INPP4B: variants seen among roughly 807,000 people sequenced by gnomAD.
INPP4B encodes the protein inositol polyphosphate-4-phosphatase type II B.
A neutral mutation model predicts 122.5 loss-of-function variants in INPP4B; 55 were observed. The observed-to-expected ratio is 0.45, with a 90% CI of 0.36 to 0.56. The LOEUF (loss-of-function observed/expected upper bound fraction) is 0.56. Among genes scored for constraint, INPP4B ranks in the 20% least tolerant of loss-of-function variants. The pLI, the probability that INPP4B is intolerant of heterozygous loss-of-function variation, is 0.00. For missense variants in INPP4B, 1,000 were observed against 1,097.7 expected (o/e 0.91, Z 1.26); for synonymous variants, 403 against 388.7 (o/e 1.04, Z -0.43).
intron 15 of INPP4B, among the ~76,000 whole-genome samples, chr4:142,174,525 T>C (rs1250038406): frequency 1.3e-5 from 2 of 152,148 alleles, no homozygotes; most frequent in African/African-American, 2.4e-5. Flanking sequence ...AGTAGCAGAA[T>C]GCTATTTCAT....
In INPP4B at chr4:142,307,432, T is replaced by C. The variant is rs1373005267; in HGVS notation, c.424-1895A>G. 2.0e-5 allele frequency among the ~76,000 whole-genome samples: 3 copies of C among 152,336 alleles called. No homozygotes were observed. The East Asian group carries it at 5.8e-4, about 29-fold the overall frequency. ...ATTGAAGCTCTACAAAGAGCTTTCT[T>C]TTGTTTGCTGATAACCCCCCACTGC... On this transcript the variant is annotated intron_variant, in intron 8 of 25. Coordinates refer to ENST00000262992, the MANE Select transcript of INPP4B (RefSeq NM_001101669.3).
rs549852004 is a variant in INPP4B, at chr4:142,118,118, A to C, written c.2135+4010T>G. On this transcript the variant is annotated intron_variant, in intron 21 of 25. Coordinates refer to ENST00000262992, the MANE Select transcript of INPP4B (RefSeq NM_001101669.3). ...GAAGGACCTCTGCAAGGAGAACTACAAACCACTGCTCAACGAAATAAAAGA... is the reference window on the plus strand; with the variant it reads ...GAAGGACCTCTGCAAGGAGAACTACCAACCACTGCTCAACGAAATAAAAGA... 3.9e-5 allele frequency among the ~76,000 whole-genome samples: 6 copies of C among 152,298 alleles called. No individual in the cohort carries two copies. In the East Asian group the frequency reaches 1.2e-3, roughly 29 times the overall value.
chr4:142,075,785 C>T (rs970613714), intron 25 of INPP4B, among the ~76,000 whole-genome samples: 9 of 152,070 alleles, frequency 5.9e-5, no homozygotes, highest in Admixed American at 3.9e-4. Context: ...AGCATCATCT[C>T]GCCTTCACAC....
chr4:142,647,036 T>A (rs1343273897), intron 2 of INPP4B, among the ~76,000 whole-genome samples: 1 of 152,150 alleles, frequency 6.6e-6, no homozygotes, highest in Non-Finnish European at 1.5e-5. Flanking sequence ...TGGATAAAAA[T>A]TTTTGTATAG....
chr4:142,555,240 G>A (rs1418897723), intron 2 of INPP4B, among the ~76,000 whole-genome samples: 2 of 152,166 alleles, frequency 1.3e-5, no homozygotes, highest in African/African-American at 4.8e-5. Context: ...GTAGCCACTG[G>A]GACTTCTACA....
intron 2 of INPP4B, among the ~76,000 whole-genome samples, chr4:142,713,860 C>T (rs1763417886): frequency 6.6e-6 from 1 of 152,160 alleles, no homozygotes; most frequent in Admixed American, 6.5e-5. Flanking sequence ...AAGTGTTACC[C>T]TTTCCCTGGG....
intron 7 of INPP4B, among the ~76,000 whole-genome samples, chr4:142,347,908 C>T (rs1780787079): frequency 6.6e-6 from 1 of 151,930 alleles, no homozygotes; most frequent in Non-Finnish European, 1.5e-5. Flanking sequence ...ACAATAATTT[C>T]CTGATACCCT....
At chr4:142,222,367 C>T (rs991148273) in intron 12 of INPP4B, among the ~76,000 whole-genome samples, 3 of 152,176 alleles carry the variant, frequency 2.0e-5, no homozygotes, top group African/African-American at 7.2e-5. Context: ...AATCCATCAC[C>T]AAGTTCTGTT....
intron 9 of INPP4B, among the ~76,000 whole-genome samples, chr4:142,285,065 A>G (rs1034068272): frequency 2.0e-5 from 3 of 152,076 alleles, no homozygotes; most frequent in African/African-American, 7.2e-5. Context: ...CTTCACATCA[A>G]TGACTCGGGA....
intron 2 of INPP4B, among the ~76,000 whole-genome samples, chr4:142,717,600 T>C (rs1763949312): frequency 6.6e-6 from 1 of 152,164 alleles, no homozygotes; most frequent in African/African-American, 2.4e-5. Flanking sequence ...GGGACATGGA[T>C]GAAGCTGGAA....
intron 25 of INPP4B, among the ~76,000 whole-genome samples, chr4:142,058,517 T>G (rs1758886902): frequency 6.6e-6 from 1 of 152,074 alleles, no homozygotes; most frequent in South Asian, 2.1e-4. Flanking sequence ...AAGCACACAG[T>G]AGTACAAGAG....
At chr4:142,650,889 A>C (rs971262708) in intron 2 of INPP4B, among the ~76,000 whole-genome samples, 3 of 152,116 alleles carry the variant, frequency 2.0e-5, no homozygotes, top group Non-Finnish European at 4.4e-5. Flanking sequence ...CATCTACAGA[A>C]CTCTCCAGCC....
chr4:142,189,434 G>T (rs1321793136), intron 15 of INPP4B, among the ~76,000 whole-genome samples: 2 of 152,068 alleles, frequency 1.3e-5, no homozygotes, highest in African/African-American at 4.8e-5. Flanking sequence ...TTCAAGAAAA[G>T]CACAATGTAT....
chr4:142,155,595 T>C (rs1816755273), intron 17 of INPP4B, among the ~76,000 whole-genome samples: 1 of 152,130 alleles, frequency 6.6e-6, no homozygotes, highest in African/African-American at 2.4e-5. Context: ...CATGCAGTTA[T>C]TTATATCCTA....
chr4:142,211,241 T>C (rs1013229764), intron 12 of INPP4B, among the ~76,000 whole-genome samples: 1 of 152,048 alleles, frequency 6.6e-6, no homozygotes, highest in Non-Finnish European at 1.5e-5. Context: ...ACTGCATTTT[T>C]TAAAAAGGAA....
chr4:142,379,168 A>G (rs1398308692), intron 7 of INPP4B, among the ~76,000 whole-genome samples: 2 of 152,120 alleles, frequency 1.3e-5, no homozygotes, highest in Admixed American at 6.6e-5. Context: ...TAGGCCCCAT[A>G]TCTTCCTATA....
intron 17 of INPP4B, among the ~76,000 whole-genome samples, chr4:142,149,478 C>T (rs1812598919): frequency 6.6e-6 from 1 of 152,044 alleles, no homozygotes; most frequent in Admixed American, 6.5e-5. Flanking sequence ...TTCTGTTTGG[C>T]TCCAAAGACT....
intron 7 of INPP4B, among the ~76,000 whole-genome samples, chr4:142,351,364 A>G (rs1561910868): frequency 6.6e-6 from 1 of 151,980 alleles, no homozygotes. Context: ...TTACCCTTTC[A>G]TTGATTTTAT....
rs1737769978 is a variant in INPP4B at position 142,592,685 on chromosome 4, T to C, written c.-190-129959A>G. Among the ~76,000 whole-genome samples the C allele has an allele frequency of 4.6e-5, 7 of 152,240 alleles. No individual in the cohort carries two copies. In the South Asian group the frequency reaches 1.4e-3, roughly 31 times the overall value. On this transcript the variant is annotated intron_variant, in intron 2 of 25. Transcript: ENST00000262992. ...TGAACTTAGGCAGTCATCATTTTTT[T>C]CTTTTTAAGTGGAAGCATAGTGTGG...
Sources: allele counts gnomAD v4.1 joint callset (sites outside exome capture counted in the v4.1 genomes callset), GRCh38; gene constraint gnomAD v4.1.1; transcripts MANE v1.5; gene names NCBI Gene and HGNC (gene_info 2026-07-23, HGNC 2026-07-21).